The following MAPK8 variants were observed in gnomAD, a reference collection of about 807,000 sequenced individuals.
The protein encoded by MAPK8 is JUN N-terminal kinase.
MAPK8 carries 13 observed loss-of-function variants against 52.9 expected under a neutral mutation model. The ratio of observed to expected loss-of-function variants is 0.25; its 90% CI spans 0.16 to 0.39. MAPK8 has a LOEUF of 0.39. Ranked by LOEUF, MAPK8 falls within the 10% of genes least tolerant of loss-of-function variation. The pLI is 1.00. For synonymous variants in MAPK8, 191 were observed against 169.8 expected (o/e 1.12, Z -0.97); for missense variants, 300 against 519.2 (o/e 0.58, Z 4.10).
chr10:48,317,749 AGGTGAAG>A (rs1842639410), intron 1 of MAPK8, among the ~76,000 whole-genome samples: 1 of 152,126 alleles, frequency 6.6e-6, no homozygotes. Flanking sequence ...GGAAGTTGGA[AGGTGAAG>A]GCCTATTCTC....
At chr10:48,335,867 A>C (rs1372743793) in intron 1 of MAPK8, among the ~76,000 whole-genome samples, 1 of 152,144 alleles carries the variant, frequency 6.6e-6, no homozygotes, top group Non-Finnish European at 1.5e-5. Flanking sequence ...TATATTAATA[A>C]ATTTTTCATA....
At position 48,317,649 on chromosome 10, in the gene MAPK8, G is replaced by A. The variant is rs569433897; in HGVS notation, c.-50+10828G>A. Among the ~76,000 whole-genome samples the A allele has an allele frequency of 3.3e-5, 5 of 152,296 alleles. No individual in the cohort carries two copies. The East Asian group carries it at 7.7e-4, about 24-fold the overall frequency. On this transcript the variant is annotated intron_variant, in intron 1 of 11. Coordinates refer to ENST00000374189, the MANE Select transcript of MAPK8 (RefSeq NM_001323329.2). ...TGTAGGAAAGGGGATGCAGAGTACGGGTAGAGAGTTTGGCCCTCAGTAGAG... is the reference window on the plus strand; with the variant it reads ...TGTAGGAAAGGGGATGCAGAGTACGAGTAGAGAGTTTGGCCCTCAGTAGAG...
At chr10:48,376,082 C>G (rs985725852) in intron 1 of MAPK8, among the ~76,000 whole-genome samples, 1 of 152,124 alleles carries the variant, frequency 6.6e-6, no homozygotes, top group Non-Finnish European at 1.5e-5. Flanking sequence ...AGAAATAACA[C>G]CACACGTCTA....
chr10:48,406,102 G>T (rs1407969360), intron 3 of MAPK8, among the ~76,000 whole-genome samples: 1 of 152,194 alleles, frequency 6.6e-6, no homozygotes, highest in Non-Finnish European at 1.5e-5. Flanking sequence ...CTTTGGGGAG[G>T]AGTAGACCTA....
chr10:48,429,139 A>T (rs958374246), intron 10 of MAPK8, among the ~76,000 whole-genome samples: 4 of 151,830 alleles, frequency 2.6e-5, no homozygotes, highest in Non-Finnish European at 4.4e-5. Flanking sequence ...TTAAAAAAAA[A>T]TTTTGTAGAG....
intron 8 of MAPK8, 143 bp from the exon 9 acceptor site, chr10:48,426,237 T>A (rs866634670): frequency 3.5e-6 from 3 of 862,398 alleles, no homozygotes; most frequent in Non-Finnish European, 3.3e-6. Flanking sequence ...TTTAATCTTA[T>A]ATATTTTAAT....
chr10:48,397,700 C>T (rs1429956542), intron 1 of MAPK8, among the ~76,000 whole-genome samples: 2 of 151,986 alleles, frequency 1.3e-5, no homozygotes, highest in Admixed American at 6.5e-5. Context: ...AAGCGATTCT[C>T]CTGCCTCAGC....
rs564615102 is a variant in MAPK8 at position 48,407,586 on chromosome 10, A to C, written c.253-2293A>C. Among the ~76,000 whole-genome samples, 51 of 152,270 alleles carry C rather than the reference A, an allele frequency of 3.3e-4. No homozygotes were observed. In the Middle Eastern group the frequency reaches 0.01, roughly 30 times the overall value. The stretch of plus-strand genomic sequence containing the variant: ...AAAAATGGGACAACTATCTGTTTGA[A>C]TCTCTTTTATAACAGCTTTATTGAA... On this transcript the variant is annotated intron_variant, in intron 3 of 11. Transcript: ENST00000374189.
chr10:48,358,205 G>A (rs1007561951), intron 1 of MAPK8, among the ~76,000 whole-genome samples: 1 of 152,150 alleles, frequency 6.6e-6, no homozygotes. Flanking sequence ...GGGTCATATG[G>A]TAATCTATGT....
At chr10:48,343,847 T>C (rs1845524183) in intron 1 of MAPK8, among the ~76,000 whole-genome samples, 1 of 152,268 alleles carries the variant, frequency 6.6e-6, no homozygotes, top group Non-Finnish European at 1.5e-5. Context: ...ATACTGTTGA[T>C]ACCATGCATG....
At chr10:48,410,797 T>C (rs1243735801) in intron 5 of MAPK8, among the ~76,000 whole-genome samples, 1 of 152,190 alleles carries the variant, frequency 6.6e-6, no homozygotes, top group Admixed American at 6.5e-5. Context: ...GTACTTGTTA[T>C]CTGACTTTTT....
At chr10:48,425,193 A>G (rs1457748523) in intron 7 of MAPK8, 1 of 768,362 alleles carries the variant, frequency 1.3e-6, no homozygotes, top group Non-Finnish European at 2.4e-6. Flanking sequence ...AAGAATGGGA[A>G]AAGGCATATT....
intron 1 of MAPK8, among the ~76,000 whole-genome samples, chr10:48,329,038 G>A (rs1202807618): frequency 6.6e-6 from 1 of 152,164 alleles, no homozygotes; most frequent in Non-Finnish European, 1.5e-5. Context: ...CTTACAAATA[G>A]TAACTCATTT....
Position 48,427,123 on chromosome 10 carries a change from A to G in MAPK8, c.1040A>G (p.His347Arg). 6.2e-7 allele frequency: 1 copy of G among 1,613,188 alleles called. No homozygotes were observed. The highest frequency in any genetic ancestry group is 8.5e-7 in the Non-Finnish European group (1 of 1,179,402). Residue 347 changes from histidine to arginine, a missense_variant, in exon 10 of 12, where the codon CAC (histidine) becomes CGC (arginine). By Grantham distance (29) the His-to-Arg change is conservative (BLOSUM62 0). Transcript: ENST00000374189. ...IPDKQLDERE[H>R]TIEEWKELIY... The stretch of plus-strand genomic sequence containing the variant: ...GACAAGCAGTTAGATGAAAGGGAAC[A>G]CACAATAGAAGAGTGGAAAGGTACA...
chr10:48,321,246 C>T (rs1184357622), intron 1 of MAPK8, among the ~76,000 whole-genome samples: 1 of 151,822 alleles, frequency 6.6e-6, no homozygotes, highest in Non-Finnish European at 1.5e-5. Context: ...CACAGGTGTG[C>T]CCTGCTAATT....
chr10:48,382,802 A>T (rs1235979618), intron 1 of MAPK8, among the ~76,000 whole-genome samples: 1 of 147,074 alleles, frequency 6.8e-6, no homozygotes, highest in Non-Finnish European at 1.5e-5. Flanking sequence ...CTTATATATA[A>T]TATATATTAT....
intron 1 of MAPK8, among the ~76,000 whole-genome samples, chr10:48,336,033 A>G (rs916113988): frequency 2.6e-5 from 4 of 152,204 alleles, no homozygotes; most frequent in African/African-American, 9.6e-5. Flanking sequence ...CACCATTGTC[A>G]TAGTGTGGTT....
intron 1 of MAPK8, among the ~76,000 whole-genome samples, chr10:48,385,330 G>T (rs565600437): frequency 1.2e-3 from 184 of 152,086 alleles, no homozygotes; most frequent in African/African-American, 4.2e-3. Context: ...TGACATTCAT[G>T]AATCAAAAAA....
intron 5 of MAPK8, among the ~76,000 whole-genome samples, chr10:48,416,933 T>G (rs1260987817): frequency 2.6e-5 from 4 of 152,298 alleles, no homozygotes; most frequent in East Asian, 1.9e-4. Flanking sequence ...TCAGCCTGCT[T>G]CTTACCTATA....
Sources: gnomAD v4.1 joint callset for allele counts (sites outside exome capture counted in the v4.1 genomes callset) on GRCh38, gnomAD v4.1.1 for gene constraint, MANE v1.5 for transcripts, NCBI Gene and HGNC (gene_info 2026-07-23, HGNC 2026-07-21) for gene names.